Variants in TEX9 observed in about 807,000 individuals in gnomAD.
TEX9 encodes testis expressed 9.
A neutral mutation model predicts 59.6 loss-of-function variants in TEX9; 74 were observed. The ratio of observed to expected loss-of-function variants is 1.24; its 90% CI spans 1.03 to 1.51. The LOEUF (loss-of-function observed/expected upper bound fraction) is 1.51, where lower values mean the gene tolerates loss of function less well. Ranked by LOEUF, TEX9 falls within the 40% of genes most tolerant of loss-of-function variation. The pLI is 0.00. For synonymous variants in TEX9, 186 were observed against 152.2 expected, an observed-to-expected ratio of 1.22 and a Z score of -1.64; for missense variants, 522 against 447.8, an observed-to-expected ratio of 1.17 and a Z score of -1.49.
the TEX9 span, among the ~76,000 whole-genome samples, chr15:56,459,872 C>T: frequency 0.028 from 4,181 of 149,730 alleles, 202 homozygotes; most frequent in African/African-American, 0.097. Flanking sequence ...TGCCTATAAT[C>T]CCAGCTACTT....
intron 10 of TEX9, among the ~76,000 whole-genome samples, chr15:56,425,473 C>T (rs1487412405): frequency 6.6e-6 from 1 of 152,156 alleles, no homozygotes; most frequent in South Asian, 2.1e-4. Flanking sequence ...CTCATTCTTT[C>T]TTATACCTGT....
At chr15:56,443,386 T>C in intron 12 of TEX9, 1 of 1,386,320 alleles carries the variant, frequency 7.2e-7, no homozygotes, top group Non-Finnish European at 9.8e-7. Context: ...CTCAAAATTA[T>C]ATTCTTCTCT....
chr15:56,302,043 T>C (rs1055820528), intron 1 of TEX9, among the ~76,000 whole-genome samples: 1 of 152,206 alleles, frequency 6.6e-6, no homozygotes, highest in African/African-American at 2.4e-5. Context: ...AGCAGGGGCA[T>C]GAAATTAAAG....
chr15:56,413,922 T>C (rs759884896), intron 10 of TEX9, among the ~76,000 whole-genome samples: 2 of 151,766 alleles, frequency 1.3e-5, no homozygotes, highest in African/African-American at 4.9e-5. Flanking sequence ...TAGTTTGTTA[T>C]ATGGTCAGGT....
chr15:56,384,851 T>C (rs1436644988), intron 4 of TEX9, among the ~76,000 whole-genome samples: 1 of 152,138 alleles, frequency 6.6e-6, no homozygotes, highest in African/African-American at 2.4e-5. Context: ...ATATCAACAG[T>C]ATGTCCTGTT....
At chr15:56,395,795 T>A (rs1336485748) in intron 9 of TEX9, 1 of 152,230 alleles carries the variant, frequency 6.6e-6, no homozygotes, top group Non-Finnish European at 1.5e-5. Flanking sequence ...GTTAAGGTCT[T>A]TGCCCATTTT....
chr15:56,417,122 A>T lies in TEX9; in HGVS notation c.963+4686A>T, dbSNP rs112152710. Among the ~76,000 whole-genome samples, 225 of 148,782 alleles carry T rather than the reference A, an allele frequency of 1.5e-3. 8 individuals carry two copies. Among genetic ancestry groups the T allele is most frequent in the African/African-American group, 5.4e-3 (216 of 40,242 alleles). Reference sequence around the variant, plus strand: ...TCTTTACTAGTCTACCTAGTGGCCTATTTTATTAATTTTTTCAAAAAACCA... The same window carrying T: ...TCTTTACTAGTCTACCTAGTGGCCTTTTTTATTAATTTTTTCAAAAAACCA... On this transcript the variant is annotated intron_variant, in intron 10 of 12. Coordinates refer to ENST00000352903, the Ensembl canonical transcript of TEX9.
At chr15:56,347,527 G>A (rs752604947) in intron 1 of TEX9, among the ~76,000 whole-genome samples, 3 of 150,210 alleles carry the variant, frequency 2.0e-5, no homozygotes, top group Non-Finnish European at 3.0e-5. Context: ...GAAACCCATA[G>A]GCAAAAAAAA....
intron 3 of TEX9, among the ~76,000 whole-genome samples, chr15:56,377,963 T>A (rs2047535950): frequency 6.6e-6 from 1 of 152,196 alleles, no homozygotes; most frequent in African/African-American, 2.4e-5. Context: ...TTTTCCAGGA[T>A]CAGTTGAAAT....
At chr15:56,382,412 C>G (rs574100229) in intron 3 of TEX9, among the ~76,000 whole-genome samples, 7 of 152,118 alleles carry the variant, frequency 4.6e-5, no homozygotes, top group Non-Finnish European at 8.8e-5. Flanking sequence ...TTTCCCTTTG[C>G]TTTCACAAGC....
intron 1 of TEX9, among the ~76,000 whole-genome samples, chr15:56,328,215 C>T (rs2046066341): frequency 6.6e-6 from 1 of 151,934 alleles, no homozygotes; most frequent in Admixed American, 6.6e-5. Context: ...TTCTGGATGA[C>T]ATTTCTAGAC....
At chr15:56,319,360 A>G (rs1471219167) in intron 1 of TEX9, among the ~76,000 whole-genome samples, 4 of 111,066 alleles carry the variant, frequency 3.6e-5, no homozygotes, top group Non-Finnish European at 9.3e-5. Flanking sequence ...ACTCTTACCA[A>G]CTGTGTCAAC....
chr15:56,378,448 GGT>G (rs1182894591), intron 3 of TEX9, among the ~76,000 whole-genome samples: 1 of 151,654 alleles, frequency 6.6e-6, no homozygotes, highest in African/African-American at 2.4e-5. Flanking sequence ...AATCTTGGTG[GGT>G]TGTATGTATG....
intron 5 of TEX9, among the ~76,000 whole-genome samples, chr15:56,388,879 AT>A (rs774778836): frequency 5.3e-5 from 8 of 152,072 alleles, no homozygotes; most frequent in Non-Finnish European, 1.2e-4. Flanking sequence ...GTTCATTTAA[AT>A]AGTGACAGTG....
chr15:56,252,241 C>T (rs191695370), intron 1 of TEX9, among the ~76,000 whole-genome samples: 3 of 152,258 alleles, frequency 2.0e-5, no homozygotes, highest in Admixed American at 1.3e-4. Flanking sequence ...ACTCCCTCTA[C>T]CTGACTTCCA....
At chr15:56,384,096 C>CT in intron 4 of TEX9, 65 bp downstream of exon 4, 4 of 1,278,534 alleles carry the variant, frequency 3.1e-6, no homozygotes, top group East Asian at 2.3e-5. Context: ...TATGTAAGAT[C>CT]TTTTTTGCAT....
At chr15:56,452,064 T>C in the TEX9 span, among the ~76,000 whole-genome samples, 556 of 152,344 alleles carry the variant, frequency 3.6e-3, 21 homozygotes, top group Admixed American at 0.031. Flanking sequence ...TACAAGCTTA[T>C]ATCTTCTTTC....
chr15:56,357,447 C>T (rs184225072), intron 1 of TEX9, among the ~76,000 whole-genome samples: 99 of 152,120 alleles, frequency 6.5e-4, no homozygotes, highest in African/African-American at 2.3e-3. Context: ...TGTGATGCAC[C>T]ATGCTTCTTG....
At chr15:56,308,652 T>C (rs544229288) in intron 1 of TEX9, among the ~76,000 whole-genome samples, 3 of 152,310 alleles carry the variant, frequency 2.0e-5, no homozygotes, top group African/African-American at 7.2e-5. Context: ...ATGTTTTTAC[T>C]CCTGTTTTCT....
Sources: gnomAD v4.1 joint callset for allele counts (sites outside exome capture counted in the v4.1 genomes callset) on GRCh38, gnomAD v4.1.1 for gene constraint, MANE v1.5 for transcripts, NCBI Gene and HGNC (gene_info 2026-07-23, HGNC 2026-07-21) for gene names.